Variants in TBC1D5 observed in about 807,000 individuals in gnomAD.
TBC1D5 encodes TBC1 domain family, member 5.
In TBC1D5, 75 loss-of-function variants were observed where a neutral mutation model predicts 100.3. The ratio of observed to expected loss-of-function variants is 0.75; its 90% CI spans 0.62 to 0.91. The LOEUF is 0.91. TBC1D5 is among the 40% of genes least tolerant of loss of function. TBC1D5 has a pLI of 0.00. For synonymous variants in TBC1D5, 323 were observed against 325.6 expected (o/e 0.99, Z 0.09); for missense variants, 910 against 942.4 (o/e 0.97, Z 0.45).
intron 1 of TBC1D5, among the ~76,000 whole-genome samples, chr3:17,736,328 C>T (rs1363749471): frequency 1.3e-5 from 2 of 152,106 alleles, no homozygotes; most frequent in Non-Finnish European, 2.9e-5. Context: ...CTTGCACACA[C>T]ACATGCCACA....
intron 2 of TBC1D5, among the ~76,000 whole-genome samples, chr3:17,560,397 C>G (rs1413409016): frequency 1.3e-5 from 2 of 152,104 alleles, no homozygotes; most frequent in Non-Finnish European, 2.9e-5. Context: ...TTGGGAGGAT[C>G]ACTTGAAGCC....
At chr3:17,335,139 G>T (rs1002652898) in intron 13 of TBC1D5, among the ~76,000 whole-genome samples, 4 of 152,064 alleles carry the variant, frequency 2.6e-5, no homozygotes, top group African/African-American at 9.7e-5. Context: ...TTATTTTAAT[G>T]GATTGGTATT....
At chr3:17,343,709 T>G (rs1298376917) in intron 13 of TBC1D5, among the ~76,000 whole-genome samples, 1 of 152,170 alleles carries the variant, frequency 6.6e-6, no homozygotes, top group African/African-American at 2.4e-5. Flanking sequence ...AGTGTATGTG[T>G]TGAGGAATTT....
intron 8 of TBC1D5, among the ~76,000 whole-genome samples, chr3:17,390,340 A>C (rs2093315362): frequency 6.6e-6 from 1 of 152,172 alleles, no homozygotes. Flanking sequence ...TATCGGGGCT[A>C]TCTGTAATGC....
rs758920187 is a variant in TBC1D5, at chr3:17,166,841, G to A, written c.2020C>T (p.His674Tyr). 28 of 1,614,106 alleles carry A rather than the reference G, an allele frequency of 1.7e-5. No homozygotes were observed. The South Asian group carries it at 2.9e-4, about 16-fold the overall frequency. ...TGGCCCTGGCCGCTGGAGCAGTAGT[G>A]GTTGTCCGCAATGGTGATCTGTTCG... Residue 674 changes from histidine to tyrosine, a missense_variant, in exon 21 of 22, where the codon CAC becomes TAC. By Grantham distance (83) the His-to-Tyr change is moderately conservative. Coordinates refer to ENST00000253692, the Ensembl canonical transcript of TBC1D5.
intron 9 of TBC1D5, 138 bp from the exon 10 acceptor site, chr3:17,376,751 G>A (rs369155408): frequency 1.6e-5 from 9 of 558,988 alleles, no homozygotes; most frequent in African/African-American, 1.2e-4. Flanking sequence ...ACATAAAAAC[G>A]GAAAGCTACA....
chr3:17,417,684 T>C (rs144666407), intron 4 of TBC1D5, among the ~76,000 whole-genome samples: 144 of 152,198 alleles, frequency 9.5e-4, no homozygotes, highest in Non-Finnish European at 1.7e-3. Flanking sequence ...CAGCATGATT[T>C]ATAGTCCCTT....
chr3:17,204,739 TA>T (rs1329117172), intron 18 of TBC1D5, among the ~76,000 whole-genome samples: 2 of 152,164 alleles, frequency 1.3e-5, no homozygotes, highest in African/African-American at 4.8e-5. Context: ...TTTTTTAATT[TA>T]AAATAAATGT....
intron 3 of TBC1D5, among the ~76,000 whole-genome samples, chr3:17,459,416 G>A (rs2095158235): frequency 6.6e-6 from 1 of 152,176 alleles, no homozygotes; most frequent in Non-Finnish European, 1.5e-5. Flanking sequence ...GCAGAGCTCT[G>A]GTAGTGATGC....
intron 17 of TBC1D5, among the ~76,000 whole-genome samples, chr3:17,215,843 G>A (rs189280967): frequency 7.9e-5 from 12 of 152,192 alleles, no homozygotes; most frequent in African/African-American, 2.6e-4. Context: ...CCAATCTTGG[G>A]TCAAAGTTGT....
chr3:17,453,725 T>G (rs867807145), intron 3 of TBC1D5, among the ~76,000 whole-genome samples: 1 of 152,150 alleles, frequency 6.6e-6, no homozygotes, highest in African/African-American at 2.4e-5. Flanking sequence ...AAACTCAAAC[T>G]GTTCCAAAAA....
chr3:17,443,164 A>G (rs1395804270), intron 3 of TBC1D5, among the ~76,000 whole-genome samples: 12 of 152,228 alleles, frequency 7.9e-5, no homozygotes, highest in Non-Finnish European at 1.3e-4. Flanking sequence ...ACAAAGACTT[A>G]AAGAAGCTAT....
chr3:17,558,026 A>G lies in TBC1D5; in HGVS notation c.-35-49421T>C, dbSNP rs148371156. 2.0e-5 allele frequency among the ~76,000 whole-genome samples: 3 copies of G among 152,294 alleles called. No homozygotes were observed. The East Asian group carries it at 5.8e-4, about 29-fold the overall frequency. On this transcript the variant is annotated intron_variant, in intron 2 of 21. Coordinates refer to ENST00000253692, the Ensembl canonical transcript of TBC1D5. ...TAACCCATATGCATGGTTTACAACA[A>G]CCAAGTTCTTCTCTCTACCCATATA... is the stretch of plus-strand genomic sequence containing the variant.
chr3:17,510,757 T>C (rs1266803386), intron 2 of TBC1D5, among the ~76,000 whole-genome samples: 2 of 152,062 alleles, frequency 1.3e-5, no homozygotes, highest in Non-Finnish European at 2.9e-5. Context: ...TTAACATTTA[T>C]GCACAATGAA....
At chr3:17,248,907 G>C (rs1040039893) in intron 16 of TBC1D5, among the ~76,000 whole-genome samples, 5 of 152,070 alleles carry the variant, frequency 3.3e-5, no homozygotes, top group Non-Finnish European at 7.4e-5. Context: ...TGGATAACTC[G>C]CTGCAGCTTC....
At chr3:17,434,834 T>C (rs116481219) in intron 3 of TBC1D5, among the ~76,000 whole-genome samples, 3,426 of 152,266 alleles carry the variant, frequency 0.023, 123 homozygotes, top group African/African-American at 0.077. Context: ...CCCTACTACA[T>C]TGTCATCCTG....
intron 2 of TBC1D5, among the ~76,000 whole-genome samples, chr3:17,581,692 C>A (rs1228791456): frequency 6.6e-6 from 1 of 152,146 alleles, no homozygotes; most frequent in African/African-American, 2.4e-5. Flanking sequence ...TCTGCTTCTG[C>A]CCTCGCTCCC....
chr3:17,539,208 G>A (rs2096321213), intron 2 of TBC1D5, among the ~76,000 whole-genome samples: 1 of 152,100 alleles, frequency 6.6e-6, no homozygotes. Flanking sequence ...ATAAACACCT[G>A]AAATTCCATG....
At chr3:17,608,847 G>T (rs2061501368) in intron 2 of TBC1D5, among the ~76,000 whole-genome samples, 2 of 152,106 alleles carry the variant, frequency 1.3e-5, no homozygotes, top group African/African-American at 4.8e-5. Context: ...GCATAAACCA[G>T]TCACAAATCA....
Sources: allele counts gnomAD v4.1 joint callset (sites outside exome capture counted in the v4.1 genomes callset), GRCh38; gene constraint gnomAD v4.1.1; transcripts MANE v1.5; gene names NCBI Gene and HGNC (gene_info 2026-07-23, HGNC 2026-07-21).